NINL: variants seen among roughly 807,000 people sequenced by gnomAD.
NINL encodes ninein-like protein.
NINL carries 153 observed loss-of-function variants against 160.3 expected under a neutral mutation model. That is an observed-to-expected ratio of 0.95 (90% CI 0.84 to 1.09). The LOEUF (loss-of-function observed/expected upper bound fraction) is 1.09, where lower values mean the gene tolerates loss of function less well. Ranked by LOEUF, NINL falls within the 50% of genes least tolerant of loss-of-function variation. The probability of loss-of-function intolerance (pLI) is 0.00; values close to 1 mark genes in which losing one functional copy is unlikely to be tolerated. For missense variants in NINL, 1,829 were observed against 1,764.0 expected, an observed-to-expected ratio of 1.04 and a Z score of -0.66; for synonymous variants, 800 against 734.8, an observed-to-expected ratio of 1.09 and a Z score of -1.43.
At chr20:25,516,596 G>A (rs1182870678) in intron 3 of NINL, among the ~76,000 whole-genome samples, 1 of 152,146 alleles carries the variant, frequency 6.6e-6, no homozygotes, top group Non-Finnish European at 1.5e-5. Context: ...ACCTCCTTGA[G>A]GTGCTTTGAT....
At chr20:25,479,684 A>G (rs1429505857) in intron 15 of NINL, among the ~76,000 whole-genome samples, 3 of 152,066 alleles carry the variant, frequency 2.0e-5, no homozygotes, top group African/African-American at 7.3e-5. Context: ...TGGACACACA[A>G]CAAGTCATGG....
chr20:25,473,527 A>G (rs2063156785), intron 17 of NINL, among the ~76,000 whole-genome samples: 1 of 150,274 alleles, frequency 6.7e-6, no homozygotes, highest in Admixed American at 6.6e-5. Context: ...ATAAAATAAA[A>G]TAAAACAAAG....
rs759299819 is a variant in NINL at position 25,500,824 on chromosome 20, T to C, written c.1032+16A>G. 1.2e-6 allele frequency: 2 copies of C among 1,610,512 alleles called. No individual in the cohort carries two copies. Among genetic ancestry groups the C allele is most frequent in the Non-Finnish European group, 1.7e-6 (2 of 1,178,102 alleles). On this transcript the variant is annotated intron_variant, in intron 8 of 23. Coordinates refer to ENST00000278886, the MANE Select transcript of NINL (RefSeq NM_025176.6). ...CCAGGTCCCCTGTCCAGCTTAGGCATCACCCAGTTCCAAACCTGCAAGATC... is the reference window on the plus strand; with the variant it reads ...CCAGGTCCCCTGTCCAGCTTAGGCACCACCCAGTTCCAAACCTGCAAGATC...
chr20:25,565,934 G>A (rs1019772800), intron 1 of NINL, among the ~76,000 whole-genome samples: 5 of 152,170 alleles, frequency 3.3e-5, no homozygotes, highest in Admixed American at 2.0e-4. Flanking sequence ...GGCGACCCCC[G>A]CAGGCTCTCT....
intron 1 of NINL, among the ~76,000 whole-genome samples, chr20:25,555,468 C>T (rs955784563): frequency 6.6e-6 from 1 of 152,170 alleles, no homozygotes; most frequent in Non-Finnish European, 1.5e-5. Flanking sequence ...AAAATTTGTA[C>T]TGAAAAATAA....
chr20:25,520,892 C>T (rs1333536710), intron 2 of NINL, among the ~76,000 whole-genome samples: 1 of 152,142 alleles, frequency 6.6e-6, no homozygotes, highest in East Asian at 1.9e-4. Context: ...TCCTGTGTAC[C>T]CACTTCTGGC....
At chr20:25,471,142 T>C (rs1047198186) in intron 17 of NINL, among the ~76,000 whole-genome samples, 1 of 151,996 alleles carries the variant, frequency 6.6e-6, no homozygotes, top group Non-Finnish European at 1.5e-5. Context: ...ACAGTAGGCA[T>C]GCGCCACCAC....
intron 17 of NINL, among the ~76,000 whole-genome samples, chr20:25,473,689 C>T (rs1305011323): frequency 4.1e-5 from 2 of 48,432 alleles, no homozygotes; most frequent in African/African-American, 1.4e-4. Flanking sequence ...CACACACACA[C>T]ACACACACAC....
chr20:25,530,378 G>A (rs981522053), intron 1 of NINL, among the ~76,000 whole-genome samples: 6 of 152,148 alleles, frequency 3.9e-5, no homozygotes, highest in Non-Finnish European at 5.9e-5. Context: ...AAAATACAAC[G>A]TGCTCTTGTG....
chr20:25,500,726 C>G (rs2063850105), intron 8 of NINL, 114 bp downstream of exon 8: 3 of 1,131,236 alleles, frequency 2.7e-6, no homozygotes, highest in Non-Finnish European at 2.5e-6. Flanking sequence ...ATTCTCTGCA[C>G]AGAGCACACA....
At chr20:25,504,295 G>A (rs1190039815) in intron 6 of NINL, among the ~76,000 whole-genome samples, 191 bp from the exon 7 acceptor site, 1 of 152,024 alleles carries the variant, frequency 6.6e-6, no homozygotes, top group African/African-American at 2.4e-5. Flanking sequence ...CCTCTATCTT[G>A]TAAAACCCAC....
chr20:25,574,355 CT>C (rs374056975), intron 1 of NINL, among the ~76,000 whole-genome samples: 359 of 146,396 alleles, frequency 2.5e-3, no homozygotes, highest in African/African-American at 6.7e-3. Context: ...CCACCACCGT[CT>C]TTTTTTTTTT....
At position 25,517,741 on chromosome 20, in the gene NINL, A is replaced by G. The variant is rs770429287; in HGVS notation, c.277+12T>C. ...AAATAATGAAAAGAAAACACAGAGG[A>G]AATCCTCTTACCTGATTCCAAAGAA... On this transcript the variant is annotated intron_variant, in intron 3 of 23. Coordinates refer to ENST00000278886, the MANE Select transcript of NINL (RefSeq NM_025176.6). The G allele has an allele frequency of 5.1e-6, 8 of 1,561,956 alleles. No individual in the cohort carries two copies. In the East Asian group the frequency reaches 1.8e-4, roughly 35 times the overall value.
intron 16 of NINL, among the ~76,000 whole-genome samples, chr20:25,478,248 G>C (rs999888968): frequency 6.6e-6 from 1 of 152,148 alleles, no homozygotes; most frequent in Admixed American, 6.5e-5. Context: ...GCATCCGGCC[G>C]GAAAGATGAC....
At chr20:25,490,933 C>A (rs74385673) in intron 11 of NINL, among the ~76,000 whole-genome samples, 4,889 of 151,466 alleles carry the variant, frequency 0.032, 106 homozygotes, top group Non-Finnish European at 0.052. Flanking sequence ...AGTTGTGAGA[C>A]ACTCACCAAA....
At chr20:25,465,445 T>G (rs1271621188) in intron 19 of NINL, among the ~76,000 whole-genome samples, 1 of 152,130 alleles carries the variant, frequency 6.6e-6, no homozygotes. Flanking sequence ...AGAGTGTGAC[T>G]TCCGAGGAGG....
chr20:25,525,348 C>T (rs1033583617), intron 2 of NINL, among the ~76,000 whole-genome samples: 1 of 152,104 alleles, frequency 6.6e-6, no homozygotes, highest in Non-Finnish European at 1.5e-5. Flanking sequence ...GTTTCTTTTC[C>T]CCAATTCAAA....
At chr20:25,464,897 C>CA (rs1568843340) in intron 19 of NINL, among the ~76,000 whole-genome samples, 2 of 152,320 alleles carry the variant, frequency 1.3e-5, no homozygotes, top group East Asian at 3.9e-4. Flanking sequence ...ACTCGAGTGA[C>CA]AAGTTCCTGG....
At chr20:25,522,096 C>G (rs1352588262) in intron 2 of NINL, among the ~76,000 whole-genome samples, 1 of 152,040 alleles carries the variant, frequency 6.6e-6, no homozygotes, top group East Asian at 1.9e-4. Context: ...TTAGTAGAGA[C>G]AAGGTCTGGC....
Sources: allele counts gnomAD v4.1 joint callset (sites outside exome capture counted in the v4.1 genomes callset), GRCh38; gene constraint gnomAD v4.1.1; transcripts MANE v1.5; gene names NCBI Gene and HGNC (gene_info 2026-07-23, HGNC 2026-07-21).